Variants in ATAD1 observed in about 807,000 individuals in gnomAD.
ATAD1 encodes the protein ATPase family AAA domain containing 1, also known as outer mitochondrial transmembrane helix translocase.
In ATAD1, 18 loss-of-function variants were observed where a neutral mutation model predicts 42.7. The observed-to-expected ratio is 0.42, with a 90% CI of 0.29 to 0.63. The LOEUF is 0.63. Among genes scored for constraint, ATAD1 ranks in the 20% least tolerant of loss-of-function variants. ATAD1 has a pLI of 0.19. For synonymous variants in ATAD1, 132 were observed against 143.1 expected (o/e 0.92, Z 0.55); for missense variants, 294 against 440.4 (o/e 0.67, Z 2.98).
At chr10:87,819,568 C>T (rs1857586384), upstream of ATAD1, among the ~76,000 whole-genome samples, 1 of 152,176 alleles carries the variant, frequency 6.6e-6, no homozygotes, top group Admixed American at 6.5e-5. Context: ...CTTCTATGTG[C>T]TTTACATGCA....
At position 87,793,143 on chromosome 10, in the gene ATAD1, G is replaced by A. The variant is rs920919715; in HGVS notation, c.163-388C>T. Among the ~76,000 whole-genome samples, 5 of 152,082 alleles carry A rather than the reference G, an allele frequency of 3.3e-5. No homozygotes were observed. The East Asian group carries it at 5.8e-4, about 18-fold the overall frequency. The stretch of plus-strand genomic sequence containing the variant: ...GAGGAAAGACAGAGGAGTTAAGGAG[G>A]GCAAGAAATGTATAAGTGAAGTTTC... On this transcript the variant is annotated intron_variant, in intron 2 of 9. Coordinates refer to ENST00000680024, the MANE Select transcript of ATAD1 (RefSeq NM_001321967.2).
chr10:87,832,343 A>G (rs911432394), intron 1 of ATAD1: 1 of 151,692 alleles, frequency 6.6e-6, no homozygotes, highest in African/African-American at 2.4e-5. Context: ...GCAGTGGGCC[A>G]TAACTGTACC....
intron 3 of ATAD1, among the ~76,000 whole-genome samples, chr10:87,791,487 C>A (rs1374181792): frequency 6.6e-6 from 1 of 151,500 alleles, no homozygotes; most frequent in African/African-American, 2.4e-5. Flanking sequence ...GTAACAGCAA[C>A]AAAAAACTAA....
intron 2 of ATAD1, among the ~76,000 whole-genome samples, chr10:87,793,760 T>C (rs1009720835): frequency 1.3e-5 from 2 of 152,206 alleles, no homozygotes; most frequent in African/African-American, 4.8e-5. Context: ...GAAGGGACTC[T>C]GGTAAATCAT....
At chr10:87,802,924 C>T (rs566582360) in intron 2 of ATAD1, among the ~76,000 whole-genome samples, 2 of 152,214 alleles carry the variant, frequency 1.3e-5, no homozygotes, top group South Asian at 2.1e-4. Context: ...CAATTTATTT[C>T]CCTTCTTTTT....
At chr10:87,783,126 C>T (rs550363706) in intron 5 of ATAD1, among the ~76,000 whole-genome samples, 38 of 152,258 alleles carry the variant, frequency 2.5e-4, no homozygotes, top group East Asian at 1.5e-3. Context: ...CACCTGTAAT[C>T]GCAATGCTTT....
rs145732189 is a variant in ATAD1, at chr10:87,774,724, G to T, written c.690+1597C>A. 1.3e-3 allele frequency among the ~76,000 whole-genome samples: 200 copies of T among 152,272 alleles called. 4 individuals are homozygous for T. The highest frequency in any genetic ancestry group is 0.011 in the Admixed American group (166 of 15,288). ...AGCCAAACTTGGGAGGCCAAAGCGG[G>T]CAGACTGCTTGAGCTCAGGAGTTCA... On this transcript the variant is annotated intron_variant, in intron 6 of 9. Coordinates refer to ENST00000680024, the MANE Select transcript of ATAD1 (RefSeq NM_001321967.2).
At chr10:87,827,672 C>T (rs1857754090) in intron 1 of ATAD1, among the ~76,000 whole-genome samples, 1 of 152,182 alleles carries the variant, frequency 6.6e-6, no homozygotes, top group Non-Finnish European at 1.5e-5. Context: ...GTTCTGACTG[C>T]TCTACCAACC....
chr10:87,786,009 C>T (rs1039167087), intron 4 of ATAD1, among the ~76,000 whole-genome samples: 1 of 152,114 alleles, frequency 6.6e-6, no homozygotes, highest in Non-Finnish European at 1.5e-5. Context: ...ATTAAGTTCA[C>T]TTAGGTGCTT....
intron 1 of ATAD1, among the ~76,000 whole-genome samples, chr10:87,840,769 G>A (rs1858017282): frequency 6.6e-6 from 1 of 152,118 alleles, no homozygotes; most frequent in Non-Finnish European, 1.5e-5. Flanking sequence ...TTTCCAGATA[G>A]TGTCCCATAC....
rs1287446773 is a variant in ATAD1 at position 87,792,715 on chromosome 10, T to C, written c.203A>G (p.Lys68Arg). The change falls in exon 3 of 10, where the codon AAG becomes AGG. Residue 68 changes from lysine (K) to arginine (R), a missense_variant. By Grantham distance (26) the Lys-to-Arg change is conservative. Transcript: ENST00000680024. ...AATACTCATTTCATATTCTGAGAGCTTCACATTTTTCACTCCAATTTGCTT... is the reference window on the plus strand; with the variant it reads ...AATACTCATTTCATATTCTGAGAGCCTCACATTTTTCACTCCAATTTGCTT... ...LMKQIGVKNV[K>R]LSEYEMSIAA... 5.0e-6 allele frequency: 8 copies of C among 1,613,764 alleles called. No individual in the cohort carries two copies. The highest frequency in any genetic ancestry group is 6.8e-6 in the Non-Finnish European group (8 of 1,179,914).
At chr10:87,806,095 C>G (rs1856910814) in intron 2 of ATAD1, among the ~76,000 whole-genome samples, 1 of 152,118 alleles carries the variant, frequency 6.6e-6, no homozygotes, top group South Asian at 2.1e-4. Flanking sequence ...TTTGCCACCC[C>G]ACAAACTTCC....
At chr10:87,786,634 A>G (rs1205179309) in intron 4 of ATAD1, among the ~76,000 whole-genome samples, 2 of 152,208 alleles carry the variant, frequency 1.3e-5, no homozygotes, top group Admixed American at 6.5e-5. Context: ...TAGTAGTTAC[A>G]TAAGTGTGTT....
At chr10:87,765,556 T>C (rs544025172) in intron 8 of ATAD1, among the ~76,000 whole-genome samples, 6 of 151,900 alleles carry the variant, frequency 3.9e-5, no homozygotes, top group Non-Finnish European at 5.9e-5. Flanking sequence ...TTTCAAATCA[T>C]ACAAAGGGCA....
chr10:87,780,337 T>C (rs1194215755), intron 5 of ATAD1, among the ~76,000 whole-genome samples: 2 of 152,138 alleles, frequency 1.3e-5, no homozygotes, highest in Admixed American at 6.6e-5. Context: ...TTTGATACTA[T>C]TGTGTATGAG....
At chr10:87,818,801 C>T (rs895858459), upstream of ATAD1, 1 of 152,188 alleles carries the variant, frequency 6.6e-6, no homozygotes, top group East Asian at 1.9e-4. Flanking sequence ...ATTTAGCAGC[C>T]CACGCCACCA....
chr10:87,824,064 G>T (rs1164804624), intron 1 of ATAD1, among the ~76,000 whole-genome samples: 1 of 149,146 alleles, frequency 6.7e-6, no homozygotes, highest in Non-Finnish European at 1.5e-5. Context: ...TCAGCTCACA[G>T]AATTATAGTT....
chr10:87,768,278 T>C (rs1402835371), intron 7 of ATAD1, among the ~76,000 whole-genome samples: 8 of 152,174 alleles, frequency 5.3e-5, no homozygotes, highest in Non-Finnish European at 1.0e-4. Context: ...ACAAACTACA[T>C]TTAGCTCCTT....
intron 8 of ATAD1, among the ~76,000 whole-genome samples, chr10:87,760,356 T>G (rs1308990631): frequency 6.6e-6 from 1 of 152,112 alleles, no homozygotes; most frequent in Non-Finnish European, 1.5e-5. Context: ...TGTGTGGCAC[T>G]TCCCCCTTCA....
Sources: gnomAD v4.1 joint callset for allele counts (sites outside exome capture counted in the v4.1 genomes callset) on GRCh38, gnomAD v4.1.1 for gene constraint, MANE v1.5 for transcripts, NCBI Gene and HGNC (gene_info 2026-07-23, HGNC 2026-07-21) for gene names.